The following ADAM12 variants were observed in gnomAD, a reference collection of about 807,000 sequenced individuals.
ADAM12 encodes the protein ADAM metallopeptidase domain 12, also known as disintegrin and metalloproteinase domain-containing protein 12.
In ADAM12, 70 loss-of-function variants were observed where a neutral mutation model predicts 106.4. The ratio of observed to expected loss-of-function variants is 0.66; its 90% confidence interval spans 0.54 to 0.80. The LOEUF (loss-of-function observed/expected upper bound fraction) is 0.80. ADAM12 is among the 30% of genes least tolerant of loss of function. The pLI, the probability that ADAM12 is intolerant of heterozygous loss-of-function variation, is 0.00. For missense variants in ADAM12, 1,010 were observed against 1,171.9 expected (o/e 0.86, Z 2.02); for synonymous variants, 420 against 433.5 (o/e 0.97, Z 0.39).
At chr10:126,041,949 G>A (rs781724767) in intron 18 of ADAM12, 38 of 1,428,934 alleles carry the variant, frequency 2.7e-5, no homozygotes, top group Non-Finnish European at 3.4e-5. Flanking sequence ...TCCTTGCACT[G>A]TTTCTGCAGA....
chr10:126,306,167 G>GT (rs564093133), intron 2 of ADAM12, among the ~76,000 whole-genome samples: 20 of 151,310 alleles, frequency 1.3e-4, no homozygotes, highest in Middle Eastern at 3.4e-3. Context: ...TATTTTTCCT[G>GT]TTTTTTTAAA....
intron 3 of ADAM12, among the ~76,000 whole-genome samples, chr10:126,234,866 AGT>A (rs1958383657): frequency 6.6e-6 from 1 of 152,330 alleles, no homozygotes; most frequent in Middle Eastern, 3.4e-3. Flanking sequence ...GGTGCCAAGC[AGT>A]TCCCCATCTC....
intron 3 of ADAM12, among the ~76,000 whole-genome samples, chr10:126,257,966 C>T (rs1231358662): frequency 1.3e-5 from 2 of 152,102 alleles, no homozygotes; most frequent in African/African-American, 4.8e-5. Context: ...TATTTGGCAA[C>T]CTCAAATAGA....
At chr10:126,322,577 G>A (rs1854139944) in intron 2 of ADAM12, among the ~76,000 whole-genome samples, 1 of 152,200 alleles carries the variant, frequency 6.6e-6, no homozygotes, top group Admixed American at 6.5e-5. Flanking sequence ...ATCCAGCCCT[G>A]GGGCAGTGAT....
intron 22 of ADAM12, among the ~76,000 whole-genome samples, chr10:126,017,669 A>G (rs189579780): frequency 3.0e-3 from 450 of 152,356 alleles, no homozygotes; most frequent in Non-Finnish European, 5.3e-3. Flanking sequence ...GATTATTTCA[A>G]CAGGTCATCA....
intron 11 of ADAM12, among the ~76,000 whole-genome samples, chr10:126,081,733 G>T (rs1955222139): frequency 6.6e-6 from 1 of 152,180 alleles, no homozygotes; most frequent in Admixed American, 6.5e-5. Flanking sequence ...CAAACAAAAA[G>T]ATCAAAGTCT....
chr10:126,237,226 C>T (rs894908330), intron 3 of ADAM12, among the ~76,000 whole-genome samples: 9 of 152,170 alleles, frequency 5.9e-5, no homozygotes, highest in Non-Finnish European at 1.0e-4. Flanking sequence ...TATTCTTTGC[C>T]TTGCCTGTTA....
At chr10:126,163,902 A>G (rs988066010) in intron 3 of ADAM12, among the ~76,000 whole-genome samples, 11 of 152,234 alleles carry the variant, frequency 7.2e-5, no homozygotes, top group Admixed American at 6.5e-4. Context: ...ACGCAACCCA[A>G]TCTGGATAGA....
intron 4 of ADAM12, among the ~76,000 whole-genome samples, chr10:126,153,745 G>A (rs922296387): frequency 2.0e-5 from 3 of 151,966 alleles, no homozygotes; most frequent in Non-Finnish European, 4.4e-5. Flanking sequence ...ATGTTATCTG[G>A]GTTATAGAAA....
chr10:126,213,037 C>T (rs892592048), intron 3 of ADAM12, among the ~76,000 whole-genome samples: 2 of 152,094 alleles, frequency 1.3e-5, no homozygotes, highest in East Asian at 1.9e-4. Flanking sequence ...CCCTTCGAAG[C>T]CTTCCAAGAG....
chr10:126,040,374 C>T (rs1021685100), intron 18 of ADAM12, among the ~76,000 whole-genome samples: 8 of 152,176 alleles, frequency 5.3e-5, no homozygotes, highest in African/African-American at 1.4e-4. Context: ...TGGTGATCGC[C>T]GTGATGCAGT....
Position 126,362,297 on chromosome 10 carries a change from C to T in ADAM12, c.88+25761G>A, listed in dbSNP as rs540166043. Reference sequence around the variant, plus strand: ...AAAGACAAAAGATAACGAATGTTAGCGAGGATGTGAAGAAAAGAAAACACT... The same window carrying T: ...AAAGACAAAAGATAACGAATGTTAGTGAGGATGTGAAGAAAAGAAAACACT... On this transcript the variant is annotated intron_variant, in intron 1 of 22. Coordinates refer to ENST00000448723, the MANE Select transcript of ADAM12 (RefSeq NM_001288973.2). Among the ~76,000 whole-genome samples, 56 of 151,914 alleles carry T rather than the reference C, an allele frequency of 3.7e-4. No homozygotes were observed. In the South Asian group the frequency reaches 3.7e-3, roughly 10 times the overall value.
chr10:126,228,604 T>C (rs1173522473), intron 3 of ADAM12, among the ~76,000 whole-genome samples: 2 of 152,330 alleles, frequency 1.3e-5, no homozygotes, highest in East Asian at 1.9e-4. Context: ...TCTAGTAGGG[T>C]ATTTTTACAC....
At chr10:126,019,443 G>A (rs1220742536) in intron 22 of ADAM12, among the ~76,000 whole-genome samples, 1 of 152,182 alleles carries the variant, frequency 6.6e-6, no homozygotes, top group Non-Finnish European at 1.5e-5. Context: ...GTAGTTTTAT[G>A]ACATCTTGAT....
intron 2 of ADAM12, among the ~76,000 whole-genome samples, chr10:126,309,316 G>T (rs896381660): frequency 1.3e-5 from 2 of 152,150 alleles, no homozygotes; most frequent in African/African-American, 2.4e-5. Flanking sequence ...GATGAAGGTC[G>T]GCTCTCTCTG....
intron 4 of ADAM12, among the ~76,000 whole-genome samples, chr10:126,140,187 T>G (rs189144641): frequency 6.8e-4 from 103 of 152,308 alleles, no homozygotes; most frequent in African/African-American, 2.5e-3. Flanking sequence ...GGTTACAGAA[T>G]TTCCCCCATT....
At chr10:126,266,255 T>G (rs186875005) in intron 3 of ADAM12, among the ~76,000 whole-genome samples, 59 of 152,200 alleles carry the variant, frequency 3.9e-4, no homozygotes, top group Non-Finnish European at 7.8e-4. Flanking sequence ...TTGCTGATGC[T>G]GGGGAGAATG....
chr10:126,247,680 G>C (rs1958656777), intron 3 of ADAM12, among the ~76,000 whole-genome samples: 1 of 152,108 alleles, frequency 6.6e-6, no homozygotes, highest in Non-Finnish European at 1.5e-5. Flanking sequence ...CACCAACCAG[G>C]AATTCTTCGC....
chr10:126,162,958 C>T (rs551761924), intron 3 of ADAM12, among the ~76,000 whole-genome samples: 7 of 152,202 alleles, frequency 4.6e-5, no homozygotes, highest in Non-Finnish European at 1.0e-4. Flanking sequence ...GTGCTGTCTT[C>T]GTAAGAATGA....
Sources: gnomAD v4.1 joint callset for allele counts (sites outside exome capture counted in the v4.1 genomes callset) on GRCh38, gnomAD v4.1.1 for gene constraint, MANE v1.5 for transcripts, NCBI Gene and HGNC (gene_info 2026-07-23, HGNC 2026-07-21) for gene names.